OLFM3: variants seen among roughly 807,000 people sequenced by gnomAD.
The protein encoded by OLFM3 is noelin-3.
A neutral mutation model predicts 48.6 loss-of-function variants in OLFM3; 20 were observed. The observed-to-expected ratio is 0.41, with a 90% confidence interval of 0.29 to 0.60. The LOEUF is 0.60. Ranked by LOEUF, OLFM3 falls within the 20% of genes least tolerant of loss-of-function variation. OLFM3 has a pLI of 0.28. For synonymous variants in OLFM3, 222 were observed against 198.1 expected, an observed-to-expected ratio of 1.12 and a Z score of -1.01; for missense variants, 437 against 544.3, an observed-to-expected ratio of 0.80 and a Z score of 1.96.
Position 101,996,826 on chromosome 1 carries a change from G to A in OLFM3, c.-10C>T. The A allele has an allele frequency of 6.2e-7, 1 of 1,614,172 alleles. No homozygotes were observed. The highest frequency in any genetic ancestry group is 8.5e-7 in the Non-Finnish European group (1 of 1,180,014). ...TGGACGTCGCCTGCATTCTGATCTG[G>A]GTTTTTGCCCCTCTTTACTCTCTTT... On this transcript the variant is annotated 5_prime_UTR_variant, in exon 1 of 6. Transcript: ENST00000370103.
At chr1:101,914,105 T>C (rs1264342558) in intron 1 of OLFM3, among the ~76,000 whole-genome samples, 1 of 152,182 alleles carries the variant, frequency 6.6e-6, no homozygotes, top group African/African-American at 2.4e-5. Flanking sequence ...TTTTCAGGTA[T>C]GGGGACATGC....
At chr1:101,844,978 TG>T (rs1431364885) in intron 1 of OLFM3, among the ~76,000 whole-genome samples, 1 of 152,144 alleles carries the variant, frequency 6.6e-6, no homozygotes, top group Admixed American at 6.6e-5. Context: ...AGCACTCATT[TG>T]GATAATTAGG....
intron 1 of OLFM3, among the ~76,000 whole-genome samples, chr1:101,966,112 T>C (rs1270331939): frequency 6.6e-6 from 1 of 152,174 alleles, no homozygotes; most frequent in Non-Finnish European, 1.5e-5. Context: ...TACTGTAACA[T>C]TTCTTGTTGA....
intron 1 of OLFM3, among the ~76,000 whole-genome samples, chr1:101,885,404 A>G (rs191479050): frequency 6.6e-6 from 1 of 152,200 alleles, no homozygotes; most frequent in East Asian, 1.9e-4. Flanking sequence ...ATGATGGAAA[A>G]AGGATTGGTA....
chr1:101,813,020 T>A, intron 4 of OLFM3: 7 of 1,190,840 alleles, frequency 5.9e-6, no homozygotes, highest in Non-Finnish European at 7.4e-6. Flanking sequence ...CCAGAACTAT[T>A]CTAGGTGCTG....
At chr1:101,887,780 T>C (rs1657822645) in intron 1 of OLFM3, among the ~76,000 whole-genome samples, 2 of 152,076 alleles carry the variant, frequency 1.3e-5, no homozygotes, top group African/African-American at 4.8e-5. Flanking sequence ...AACCTTAAAA[T>C]TGTCTGTTAA....
At chr1:101,836,805 G>A (rs1417767008) in intron 2 of OLFM3, 74 bp downstream of exon 2, 27 of 1,410,616 alleles carry the variant, frequency 1.9e-5, no homozygotes, top group Non-Finnish European at 2.4e-5. Flanking sequence ...CATTATTATC[G>A]GCTCTACCAT....
intron 1 of OLFM3, among the ~76,000 whole-genome samples, chr1:101,874,396 T>C (rs1388737697): frequency 2.0e-5 from 3 of 151,824 alleles, no homozygotes; most frequent in East Asian, 3.9e-4. Context: ...AGATCTAATA[T>C]GTATCTTGAT....
chr1:101,836,793 T>C (rs1019830711), intron 2 of OLFM3, 86 bp downstream of exon 2: 3 of 1,359,096 alleles, frequency 2.2e-6, no homozygotes. Flanking sequence ...AAGAATCCTC[T>C]TCATTATTAT....
chr1:101,812,291 A>C, intron 4 of OLFM3: 1 of 388,434 alleles, frequency 2.6e-6, no homozygotes, highest in East Asian at 1.6e-4. Context: ...ATATGTAACA[A>C]ACCTGCACAT....
rs1656752070 is a variant in OLFM3, at chr1:101,863,806, T to C, written c.70-26781A>G. Among the ~76,000 whole-genome samples the C allele has an allele frequency of 2.6e-5, 4 of 152,214 alleles. No individual in the cohort carries two copies. In the South Asian group the frequency reaches 8.3e-4, roughly 31 times the overall value. On this transcript the variant is annotated intron_variant, in intron 1 of 5. Transcript: ENST00000370103. ...AGTTCCATTGCAGAAGACATGGTTATTTTTCAATTATGATAATATATATCT... is the reference window on the plus strand; with the variant it reads ...AGTTCCATTGCAGAAGACATGGTTACTTTTCAATTATGATAATATATATCT...
At chr1:101,927,350 A>C (rs1659303563) in intron 1 of OLFM3, among the ~76,000 whole-genome samples, 1 of 152,096 alleles carries the variant, frequency 6.6e-6, no homozygotes, top group Non-Finnish European at 1.5e-5. Context: ...TCATTCTTAA[A>C]AAAATAATCC....
intron 1 of OLFM3, among the ~76,000 whole-genome samples, chr1:101,947,796 C>A (rs934861169): frequency 4.6e-5 from 7 of 152,070 alleles, no homozygotes; most frequent in African/African-American, 1.7e-4. Context: ...TTTAACTGCT[C>A]CACGGCTCTT....
intron 1 of OLFM3, among the ~76,000 whole-genome samples, chr1:101,938,470 C>A (rs187481344): frequency 6.6e-6 from 1 of 152,336 alleles, no homozygotes; most frequent in East Asian, 1.9e-4. Flanking sequence ...TTTAGCTTAT[C>A]TTTGCTGCCT....
chr1:101,866,115 T>C (rs1177615027), intron 1 of OLFM3, among the ~76,000 whole-genome samples: 4 of 152,164 alleles, frequency 2.6e-5, no homozygotes, highest in Non-Finnish European at 5.9e-5. Context: ...CCAGATGAAA[T>C]AAAATGTCTC....
chr1:101,907,206 C>A (rs1486671412), intron 1 of OLFM3, among the ~76,000 whole-genome samples: 2 of 152,152 alleles, frequency 1.3e-5, no homozygotes, highest in Non-Finnish European at 2.9e-5. Flanking sequence ...TTTGGATAAT[C>A]ATTTACATGC....
Position 101,804,297 on chromosome 1 carries a change from G to A in OLFM3, c.1318C>T (p.His440Tyr). ...DRALYAWNNG[H>Y]QVLFNVTLFH... ...AGGGTGACATTGAACAGCACCTGGT[G>A]GCCATTGTTCCAGGCATAGAGAGCT... The change falls in exon 6 of 6, where the codon CAC (histidine) becomes TAC (tyrosine). Residue 440 changes from histidine (H) to tyrosine (Y), a missense_variant. His to Tyr is a moderately conservative substitution (Grantham distance 83). Transcript: ENST00000370103. The surrounding 1 kb of genome is among the most constrained non-coding windows in gnomAD (Gnocchi z 4.5). The A allele has an allele frequency of 6.2e-7, 1 of 1,611,328 alleles. No homozygotes were observed. The highest frequency in any genetic ancestry group is 8.5e-7 in the Non-Finnish European group (1 of 1,178,380).
Position 101,837,025 on chromosome 1 carries a change from T to A in OLFM3, c.70A>T (p.Thr24Ser). Reference sequence around the variant, plus strand: ...CACCCTTCTTTAGGACTAATCTGAGTCTGAGGAAACCAAAGGGAAACATAA... The same window carrying A: ...CACCCTTCTTTAGGACTAATCTGAGACTGAGGAAACCAAAGGGAAACATAA... Reference protein sequence around the residue: ...SLFAGLDPSKTQISPKEGWQV... With the variant: ...SLFAGLDPSKSQISPKEGWQV... The change falls in exon 2 of 6, where the codon ACT becomes TCT. Residue 24 changes from threonine to serine, a missense_variant and splice_region_variant. This residue lies in a region of OLFM3 where 314 missense variants were observed against 365.5 expected (regional missense o/e 0.86). Coordinates refer to ENST00000370103, the MANE Select transcript of OLFM3 (RefSeq NM_058170.4). 1 of 1,608,120 alleles carries A rather than the reference T, an allele frequency of 6.2e-7. No homozygotes were observed. Among genetic ancestry groups the A allele is most frequent in the Non-Finnish European group, 8.5e-7 (1 of 1,176,802 alleles).
At chr1:101,924,065 A>G (rs1659185183) in intron 1 of OLFM3, among the ~76,000 whole-genome samples, 1 of 152,234 alleles carries the variant, frequency 6.6e-6, no homozygotes, top group Non-Finnish European at 1.5e-5. Context: ...AAGAAAAAAC[A>G]GAGGTAAACC....
Sources: gnomAD v4.1 joint callset for allele counts (sites outside exome capture counted in the v4.1 genomes callset) on GRCh38, gnomAD v4.1.1 for gene constraint, gnomAD v4.1.1 regional missense constraint, Gnocchi (gnomAD v3.1) non-coding constraint, MANE v1.5 for transcripts, NCBI Gene and HGNC (gene_info 2026-07-23, HGNC 2026-07-21) for gene names.